Variants in ASPH observed in about 807,000 individuals in gnomAD.
ASPH encodes aspartate beta-hydroxylase, also known as aspartyl/asparaginyl beta-hydroxylase.
ASPH carries 100 observed loss-of-function variants against 118.4 expected under a neutral mutation model. The observed-to-expected ratio is 0.84, with a 90% CI of 0.72 to 1.00. The LOEUF (loss-of-function observed/expected upper bound fraction) is 1.00. Among genes scored for constraint, ASPH ranks in the 50% least tolerant of loss-of-function variants. The pLI, the probability that ASPH is intolerant of heterozygous loss-of-function variation, is 0.00. For missense variants in ASPH, 920 were observed against 919.5 expected, an observed-to-expected ratio of 1.00 and a Z score of -0.01; for synonymous variants, 315 against 325.6, an observed-to-expected ratio of 0.97 and a Z score of 0.35.
At chr8:61,533,185 A>G (rs931179811) in intron 21 of ASPH, among the ~76,000 whole-genome samples, 1 of 149,708 alleles carries the variant, frequency 6.7e-6, no homozygotes, top group Admixed American at 6.7e-5. Flanking sequence ...TAATCATCCT[A>G]TGTTTTCTAT....
intron 3 of ASPH, among the ~76,000 whole-genome samples, chr8:61,667,140 CA>C (rs1388316512): frequency 6.6e-6 from 1 of 151,600 alleles, no homozygotes; most frequent in Non-Finnish European, 1.5e-5. Flanking sequence ...CATATTTCAC[CA>C]AAAAAACAAA....
At chr8:61,653,447 G>T in intron 4 of ASPH, 121 bp downstream of exon 4, 1 of 871,986 alleles carries the variant, frequency 1.1e-6, no homozygotes. Flanking sequence ...GAGAAAAAAA[G>T]TAGTTAATTA....
chr8:61,630,173 A>T (rs1854927894), intron 13 of ASPH, among the ~76,000 whole-genome samples: 1 of 152,196 alleles, frequency 6.6e-6, no homozygotes, highest in Non-Finnish European at 1.5e-5. Context: ...TTAAGACTGT[A>T]TAACTTAGTA....
At chr8:61,509,317 C>T (rs1447122513) in intron 24 of ASPH, among the ~76,000 whole-genome samples, 1 of 152,202 alleles carries the variant, frequency 6.6e-6, no homozygotes, top group Non-Finnish European at 1.5e-5. Context: ...ACTCCATAGG[C>T]TGCTGGTTGC....
At chr8:61,557,644 C>A (rs1421645849) in intron 18 of ASPH, among the ~76,000 whole-genome samples, 6 of 152,216 alleles carry the variant, frequency 3.9e-5, no homozygotes, top group Admixed American at 2.6e-4. Context: ...GCAAGCTCTA[C>A]AGGGATTTTG....
chr8:61,710,015 G>C (rs1161833295), intron 1 of ASPH, among the ~76,000 whole-genome samples: 1 of 151,144 alleles, frequency 6.6e-6, no homozygotes, highest in African/African-American at 2.4e-5. Flanking sequence ...CATCAAAAAA[G>C]TCAAAGCATG....
chr8:61,700,569 A>G (rs1198002562), intron 1 of ASPH, among the ~76,000 whole-genome samples: 1 of 152,244 alleles, frequency 6.6e-6, no homozygotes, highest in Non-Finnish European at 1.5e-5. Context: ...AGATGCCTCA[A>G]TAAAATGGCT....
chr8:61,665,627 A>C, intron 3 of ASPH: 1 of 1,545,150 alleles, frequency 6.5e-7, no homozygotes, highest in Non-Finnish European at 8.6e-7. Flanking sequence ...TTCCAATTAA[A>C]GGAAAAAATG....
intron 14 of ASPH, among the ~76,000 whole-genome samples, chr8:61,614,510 G>A (rs1848422880): frequency 6.6e-6 from 1 of 152,158 alleles, no homozygotes; most frequent in South Asian, 2.1e-4. Flanking sequence ...CCTTGAGTCA[G>A]GATCTTGCTC....
intron 14 of ASPH, among the ~76,000 whole-genome samples, chr8:61,610,852 A>G (rs1019077790): frequency 1.3e-5 from 2 of 152,208 alleles, no homozygotes; most frequent in African/African-American, 2.4e-5. Context: ...GGGCAGCAAA[A>G]AGACAAAGAC....
chr8:61,677,054 T>C (rs1412677574), intron 3 of ASPH, among the ~76,000 whole-genome samples: 1 of 152,108 alleles, frequency 6.6e-6, no homozygotes, highest in Non-Finnish European at 1.5e-5. Context: ...CAGCTATTAA[T>C]AATAATTCAC....
intron 3 of ASPH, chr8:61,676,406 G>T: frequency 1.6e-6 from 2 of 1,264,410 alleles, no homozygotes; most frequent in Non-Finnish European, 2.1e-6. Context: ...TCTCAAAAGC[G>T]AGGTGCATCA....
At chr8:61,690,361 G>T (rs1332087964) in intron 1 of ASPH, among the ~76,000 whole-genome samples, 1 of 152,170 alleles carries the variant, frequency 6.6e-6, no homozygotes, top group African/African-American at 2.4e-5. Context: ...AGGAGGGACA[G>T]AGGACTGGTG....
rs530555115 is a variant in ASPH at position 61,592,803 on chromosome 8, T to C, written c.977-8774A>G. On this transcript the variant is annotated intron_variant, in intron 14 of 24. Coordinates refer to ENST00000379454, the MANE Select transcript of ASPH (RefSeq NM_004318.4). ...TTCCTTTATTAGGATTGGAAGCTAA[T>C]TCTGCTTTTCTTTTTAAAATCACTG... 3.9e-4 allele frequency among the ~76,000 whole-genome samples: 59 copies of C among 152,328 alleles called. 2 individuals carry two copies. The highest frequency in any genetic ancestry group is 1.2e-3 in the African/African-American group (51 of 41,566).
chr8:61,683,737 A>C (rs1829284729), intron 2 of ASPH: 1 of 223,506 alleles, frequency 4.5e-6, no homozygotes, highest in Non-Finnish European at 8.6e-6. Flanking sequence ...AACAAAATTG[A>C]ATAGAAATCA....
At chr8:61,626,091 AAAAG>A in intron 13 of ASPH, 2 of 1,247,148 alleles carry the variant, frequency 1.6e-6, no homozygotes, top group Non-Finnish European at 2.0e-6. Context: ...TGTGTTTCTA[AAAAG>A]AAAAAAAAAT....
intron 1 of ASPH, among the ~76,000 whole-genome samples, chr8:61,693,353 G>A (rs1391057161): frequency 2.0e-5 from 3 of 152,120 alleles, no homozygotes; most frequent in Non-Finnish European, 2.9e-5. Flanking sequence ...AACAGATTCC[G>A]TAACCCTGCT....
intron 14 of ASPH, 38 bp from the exon 15 acceptor site, chr8:61,584,067 T>G (rs1838486510): frequency 7.8e-7 from 1 of 1,284,694 alleles, no homozygotes; most frequent in African/African-American, 1.5e-5. Flanking sequence ...TAACGTTTTT[T>G]GACTAGAAAT....
At chr8:61,654,729 C>T (rs1032557403) in intron 3 of ASPH, among the ~76,000 whole-genome samples, 2 of 152,228 alleles carry the variant, frequency 1.3e-5, no homozygotes, top group African/African-American at 4.8e-5. Context: ...GACCCTGCCA[C>T]ATCACTTACA....
Sources: allele counts gnomAD v4.1 joint callset (sites outside exome capture counted in the v4.1 genomes callset), GRCh38; gene constraint gnomAD v4.1.1; transcripts MANE v1.5; gene names NCBI Gene and HGNC (gene_info 2026-07-23, HGNC 2026-07-21).